FOXN3: variants seen among roughly 807,000 people sequenced by gnomAD.
FOXN3 encodes the protein forkhead box protein N3.
Under a neutral mutation model 38.4 loss-of-function variants are expected in FOXN3, and 7 were observed. The observed-to-expected ratio is 0.18, with a 90% CI of 0.10 to 0.34. FOXN3 has a LOEUF of 0.34. FOXN3 is among the 10% of genes least tolerant of loss of function. FOXN3 has a pLI of 1.00. For synonymous variants in FOXN3, 230 were observed against 242.2 expected (o/e 0.95, Z 0.47); for missense variants, 456 against 613.4 (o/e 0.74, Z 2.71).
intron 2 of FOXN3, among the ~76,000 whole-genome samples, chr14:89,389,317 G>C (rs944691314): frequency 7.2e-6 from 1 of 139,618 alleles, no homozygotes; most frequent in Non-Finnish European, 1.5e-5. Context: ...AAAAAAAAAA[G>C]AAAGATTATA....
chr14:89,518,514 G>C (rs563439046), intron 1 of FOXN3, among the ~76,000 whole-genome samples: 1 of 152,330 alleles, frequency 6.6e-6, no homozygotes, highest in East Asian at 1.9e-4. Context: ...AGACAGCCAA[G>C]TATCCTTATA....
chr14:89,481,545 C>T (rs1596292022), intron 1 of FOXN3, among the ~76,000 whole-genome samples: 1 of 152,104 alleles, frequency 6.6e-6, no homozygotes, highest in African/African-American at 2.4e-5. Context: ...GGGTGCAATA[C>T]TCAAAAACGA....
In FOXN3 at chr14:89,164,640, G is replaced by T. The variant is rs10484011; in HGVS notation, c.852-1671C>A. Among the ~76,000 whole-genome samples the T allele has an allele frequency of 6.6e-6, 1 of 152,116 alleles. No homozygotes were observed. The highest frequency in any genetic ancestry group is 1.9e-4 in the East Asian group (1 of 5,176). ...CACAGCAGATAAACTGAGGAAGTGC[G>T]GCACAGGTGGAATCACGTGGCTGAG... On this transcript the variant is annotated intron_variant, in intron 5 of 5. Coordinates refer to ENST00000557258, the MANE Select transcript of FOXN3 (RefSeq NM_005197.4). The surrounding 1 kb of genome is among the most constrained non-coding windows in gnomAD (Gnocchi z 4.3).
At chr14:89,448,129 TG>T (rs1892545560) in intron 1 of FOXN3, among the ~76,000 whole-genome samples, 1 of 152,142 alleles carries the variant, frequency 6.6e-6, no homozygotes, top group Admixed American at 6.6e-5. Context: ...TCTTCTTACA[TG>T]TACACATTAA....
intron 3 of FOXN3, among the ~76,000 whole-genome samples, chr14:89,292,658 G>A (rs1056486642): frequency 6.6e-6 from 1 of 152,072 alleles, no homozygotes; most frequent in East Asian, 1.9e-4. Flanking sequence ...AGCGTTCAAG[G>A]CCCCATTTTG....
intron 3 of FOXN3, among the ~76,000 whole-genome samples, chr14:89,299,266 G>C (rs777766029): frequency 4.6e-5 from 7 of 152,202 alleles, no homozygotes; most frequent in Admixed American, 2.0e-4. Flanking sequence ...CTATTCTCAA[G>C]GTAGTGAATA....
At chr14:89,321,289 T>C (rs979298063) in intron 3 of FOXN3, among the ~76,000 whole-genome samples, 2 of 150,576 alleles carry the variant, frequency 1.3e-5, no homozygotes. Context: ...TCAAAAAATA[T>C]ATTAAAAAAT....
chr14:89,444,659 A>G (rs374157886), intron 1 of FOXN3, among the ~76,000 whole-genome samples: 1 of 152,212 alleles, frequency 6.6e-6, no homozygotes, highest in African/African-American at 2.4e-5. Flanking sequence ...TTCATCAGAA[A>G]TAAGATTTTG....
intron 1 of FOXN3, among the ~76,000 whole-genome samples, chr14:89,442,092 A>T (rs1892399939): frequency 6.6e-6 from 1 of 151,806 alleles, no homozygotes; most frequent in African/African-American, 2.4e-5. Context: ...ACGCTTGGCT[A>T]ATTTTGTATT....
chr14:89,457,885 A>C (rs1435422428), intron 1 of FOXN3, among the ~76,000 whole-genome samples: 1 of 152,116 alleles, frequency 6.6e-6, no homozygotes, highest in African/African-American at 2.4e-5. Context: ...GTGGTGGCAC[A>C]TGCCTGTAAT....
intron 4 of FOXN3, among the ~76,000 whole-genome samples, chr14:89,197,831 C>T (rs530948688): frequency 1.8e-4 from 27 of 152,272 alleles, no homozygotes; most frequent in South Asian, 1.2e-3. Context: ...GTTTGAAAGG[C>T]GAAGAACGGC....
intron 1 of FOXN3, among the ~76,000 whole-genome samples, chr14:89,517,351 T>C (rs1386706765): frequency 2.2e-5 from 2 of 89,544 alleles, no homozygotes; most frequent in South Asian, 7.7e-4. Context: ...AGAGACCCTG[T>C]CTTAAAAAAA....
At chr14:89,316,752 A>G (rs181269896) in intron 3 of FOXN3, among the ~76,000 whole-genome samples, 2,056 of 148,902 alleles carry the variant, frequency 0.014, 45 homozygotes, top group African/African-American at 0.049. Context: ...TGCAACCTCC[A>G]CCTCCCAGGT....
intron 2 of FOXN3, among the ~76,000 whole-genome samples, chr14:89,387,287 C>T (rs1170791108): frequency 6.6e-6 from 1 of 151,994 alleles, no homozygotes; most frequent in Non-Finnish European, 1.5e-5. Flanking sequence ...ATAAACAAAC[C>T]AACCAATTAG....
chr14:89,395,036 A>C, intron 2 of FOXN3, among the ~76,000 whole-genome samples: 1 of 152,322 alleles, frequency 6.6e-6, no homozygotes, highest in East Asian at 1.9e-4. Flanking sequence ...ACTTCCCCAA[A>C]GCCTTTTGGA....
chr14:89,532,586 G>C (rs967239141), intron 1 of FOXN3, among the ~76,000 whole-genome samples: 4 of 152,084 alleles, frequency 2.6e-5, no homozygotes, highest in Non-Finnish European at 5.9e-5. Context: ...AAAATGATCA[G>C]AAAAACACTG....
At chr14:89,527,007 T>C (rs866925488) in intron 1 of FOXN3, among the ~76,000 whole-genome samples, 5 of 151,704 alleles carry the variant, frequency 3.3e-5, no homozygotes, top group Middle Eastern at 3.2e-3. Flanking sequence ...TTTATTCTAT[T>C]TTATTTTTAT....
intron 4 of FOXN3, among the ~76,000 whole-genome samples, chr14:89,216,567 C>T (rs1427830670): frequency 6.6e-6 from 1 of 152,278 alleles, no homozygotes; most frequent in Admixed American, 6.5e-5. Flanking sequence ...ACTCAGGCCC[C>T]TTTTTCCTTC....
intron 1 of FOXN3, among the ~76,000 whole-genome samples, chr14:89,575,393 T>C (rs552717538): frequency 6.6e-6 from 1 of 151,552 alleles, no homozygotes; most frequent in South Asian, 2.1e-4. Flanking sequence ...CTGGCTGGGG[T>C]GGGGATGATA....
Sources: gnomAD v4.1 joint callset for allele counts (sites outside exome capture counted in the v4.1 genomes callset) on GRCh38, gnomAD v4.1.1 for gene constraint, Gnocchi (gnomAD v3.1) non-coding constraint, MANE v1.5 for transcripts, NCBI Gene and HGNC (gene_info 2026-07-23, HGNC 2026-07-21) for gene names.